The following STOX1 variants were observed in gnomAD, a reference collection of about 807,000 sequenced individuals.
STOX1 encodes the protein storkhead box 1, also known as storkhead-box protein 1.
A neutral mutation model predicts 74.8 loss-of-function variants in STOX1; 57 were observed. The ratio of observed to expected loss-of-function variants is 0.76; its 90% CI spans 0.62 to 0.95. The LOEUF is 0.95. Among genes scored for constraint, STOX1 ranks in the 40% least tolerant of loss-of-function variants. STOX1 has a pLI of 0.00. For synonymous variants in STOX1, 375 were observed against 401.3 expected (o/e 0.93, Z 0.78); for missense variants, 1,010 against 1,117.0 (o/e 0.90, Z 1.37).
intron 3 of STOX1, among the ~76,000 whole-genome samples, chr10:68,892,381 A>G (rs1475837361): frequency 2.0e-5 from 3 of 151,860 alleles, no homozygotes; most frequent in South Asian, 4.2e-4. Context: ...AACTTCTGTG[A>G]AGGCAGCTGT....
intron 1 of STOX1, among the ~76,000 whole-genome samples, chr10:68,842,991 G>A (rs904180596): frequency 3.3e-5 from 5 of 152,062 alleles, no homozygotes; most frequent in African/African-American, 7.2e-5. Flanking sequence ...GTCTGGCAAC[G>A]CATGGCTGAC....
At chr10:68,831,098 C>T (rs187622769) in intron 1 of STOX1, among the ~76,000 whole-genome samples, 6 of 152,288 alleles carry the variant, frequency 3.9e-5, no homozygotes, top group Admixed American at 3.9e-4. Flanking sequence ...GTTGTTGCTC[C>T]ATTCTCACTG....
intron 1 of STOX1, among the ~76,000 whole-genome samples, chr10:68,860,493 C>T (rs1440432315): frequency 6.8e-6 from 1 of 146,404 alleles, no homozygotes; most frequent in Non-Finnish European, 1.5e-5. Flanking sequence ...TTGCTTGAAC[C>T]TGGGAGGCAG....
chr10:68,871,893 C>G lies in STOX1; in HGVS notation c.311-10065C>G, dbSNP rs76739160. Among the ~76,000 whole-genome samples, 14 of 152,266 alleles carry G rather than the reference C, an allele frequency of 9.2e-5. No homozygotes were observed. The East Asian group carries it at 2.7e-3, about 29-fold the overall frequency. ...TGTTGTTACAAATGCTTCAATTTTTCAAAGTTCAGGATTAATTTTAATGTT... is the reference window on the plus strand; with the variant it reads ...TGTTGTTACAAATGCTTCAATTTTTGAAAGTTCAGGATTAATTTTAATGTT... On this transcript the variant is annotated intron_variant, in intron 1 of 3. Transcript: ENST00000298596.
At chr10:68,864,219 C>A (rs901216067) in intron 1 of STOX1, among the ~76,000 whole-genome samples, 3 of 152,094 alleles carry the variant, frequency 2.0e-5, no homozygotes, top group African/African-American at 7.2e-5. Flanking sequence ...CCACCGCACC[C>A]GGCCAAGTTC....
chr10:68,860,569 CAAA>C (rs11353333), intron 1 of STOX1, among the ~76,000 whole-genome samples: 7 of 63,600 alleles, frequency 1.1e-4, no homozygotes, highest in Admixed American at 2.1e-4. Flanking sequence ...GACTCTGTCT[CAAA>C]AAAAAAAAAA....
chr10:68,858,181 C>T (rs1161816994), intron 1 of STOX1, among the ~76,000 whole-genome samples: 2 of 152,030 alleles, frequency 1.3e-5, no homozygotes, highest in Admixed American at 1.3e-4. Flanking sequence ...CTCCAGGATG[C>T]CATGGGTCAA....
At chr10:68,848,075 C>T (rs962169844) in intron 1 of STOX1, among the ~76,000 whole-genome samples, 1 of 152,174 alleles carries the variant, frequency 6.6e-6, no homozygotes, top group Non-Finnish European at 1.5e-5. Context: ...CTCCATCTTG[C>T]TTGGAATAGA....
intron 1 of STOX1, among the ~76,000 whole-genome samples, chr10:68,837,802 G>A (rs1469411130): frequency 6.6e-6 from 1 of 152,180 alleles, no homozygotes; most frequent in East Asian, 1.9e-4. Flanking sequence ...TCATGTGTTG[G>A]TAGGTATTCT....
Position 68,885,135 on chromosome 10 carries a change from A to G in STOX1, c.1339A>G (p.Ile447Val). The G allele has an allele frequency of 2.5e-6, 4 of 1,613,628 alleles. No individual in the cohort carries two copies. The highest frequency in any genetic ancestry group is 2.5e-6 in the Non-Finnish European group (3 of 1,179,720). Residue 447 changes from isoleucine to valine, a missense_variant, in exon 3 of 4, where the codon ATT (isoleucine) becomes GTT (valine). Transcript: ENST00000298596. ...NQGSEFQPGS[I>V]RLEKHPKLPA... is the part of the protein sequence containing the mutation. ...GGGAAGTGAGTTTCAGCCAGGAAGCATTAGACTGGAGAAACACCCCAAGCT... is the reference window on the plus strand; with the variant it reads ...GGGAAGTGAGTTTCAGCCAGGAAGCGTTAGACTGGAGAAACACCCCAAGCT...
intron 1 of STOX1, among the ~76,000 whole-genome samples, chr10:68,875,621 G>A (rs1348552459): frequency 6.6e-6 from 1 of 152,106 alleles, no homozygotes; most frequent in Non-Finnish European, 1.5e-5. Context: ...TTATGGAAGG[G>A]GCCTTTGTGT....
At chr10:68,832,932 TA>T (rs1230748252) in intron 1 of STOX1, among the ~76,000 whole-genome samples, 2 of 151,420 alleles carry the variant, frequency 1.3e-5, no homozygotes, top group African/African-American at 4.9e-5. Flanking sequence ...CCTAGCTAAT[TA>T]AAAAAAAATT....
intron 1 of STOX1, among the ~76,000 whole-genome samples, chr10:68,850,866 G>A (rs1461698052): frequency 6.6e-6 from 1 of 152,104 alleles, no homozygotes; most frequent in Admixed American, 6.5e-5. Context: ...CAGCTACTTG[G>A]GAGGCTGAGG....
chr10:68,867,361 C>T (rs55794215), intron 1 of STOX1, among the ~76,000 whole-genome samples: 14,165 of 152,248 alleles, frequency 0.093, 859 homozygotes, highest in South Asian at 0.18. Context: ...TAACATTCCC[C>T]TGTTGATCTG....
At chr10:68,844,863 A>G (rs147132927) in intron 1 of STOX1, among the ~76,000 whole-genome samples, 260 of 151,260 alleles carry the variant, frequency 1.7e-3, no homozygotes, top group Middle Eastern at 3.5e-3. Context: ...CCCACTTTCA[A>G]TTGATTCTCC....
At chr10:68,847,839 C>T (rs547701945) in intron 1 of STOX1, among the ~76,000 whole-genome samples, 4 of 152,102 alleles carry the variant, frequency 2.6e-5, no homozygotes, top group African/African-American at 4.8e-5. Flanking sequence ...TTAAGCAGTT[C>T]TCCTGCCTCA....
At chr10:68,867,507 G>A (rs1840439015) in intron 1 of STOX1, among the ~76,000 whole-genome samples, 1 of 152,116 alleles carries the variant, frequency 6.6e-6, no homozygotes, top group African/African-American at 2.4e-5. Flanking sequence ...ACTACTTTTT[G>A]CCCAGTGTCC....
At chr10:68,841,167 G>A (rs973737243) in intron 1 of STOX1, among the ~76,000 whole-genome samples, 1 of 150,870 alleles carries the variant, frequency 6.6e-6, no homozygotes, top group African/African-American at 2.4e-5. Context: ...GGCTGGTCTT[G>A]AACTCTTGAC....
At chr10:68,886,935 A>G (rs1840979852) in intron 3 of STOX1, among the ~76,000 whole-genome samples, 1 of 152,122 alleles carries the variant, frequency 6.6e-6, no homozygotes. Flanking sequence ...AAAAAGAAAA[A>G]AAAAGAAAAT....
Sources: gnomAD v4.1 joint callset for allele counts (sites outside exome capture counted in the v4.1 genomes callset) on GRCh38, gnomAD v4.1.1 for gene constraint, MANE v1.5 for transcripts, NCBI Gene and HGNC (gene_info 2026-07-23, HGNC 2026-07-21) for gene names.